Variants in MTHFD2L observed in about 807,000 individuals in gnomAD.
MTHFD2L encodes the protein bifunctional methylenetetrahydrofolate dehydrogenase/cyclohydrolase 2, mitochondrial.
A neutral mutation model predicts 34.9 loss-of-function variants in MTHFD2L; 29 were observed. That is an observed-to-expected ratio of 0.83 (90% CI 0.62 to 1.13). MTHFD2L has a LOEUF of 1.13. Ranked by LOEUF, MTHFD2L falls within the 50% of genes most tolerant of loss-of-function variation. MTHFD2L has a pLI of 0.00. For missense variants in MTHFD2L, 481 were observed against 446.5 expected, an observed-to-expected ratio of 1.08 and a Z score of -0.70; for synonymous variants, 167 against 155.7, an observed-to-expected ratio of 1.07 and a Z score of -0.54.
At chr4:74,201,507 G>A (rs1044031355) in intron 5 of MTHFD2L, 137 bp downstream of exon 5, 2 of 486,460 alleles carry the variant, frequency 4.1e-6, no homozygotes, top group South Asian at 5.6e-5. Flanking sequence ...TCCTCATTTA[G>A]TGATGTGAGA....
chr4:74,257,955 G>T lies in MTHFD2L; in HGVS notation c.806-23470G>T, dbSNP rs376331770. Among the ~76,000 whole-genome samples the T allele has an allele frequency of 2.2e-4, 33 of 151,982 alleles. 1 individual carries two copies. The East Asian group carries it at 2.3e-3, about 11-fold the overall frequency. ...TTGACTAGACATTTCTCTAAAAAAG[G>T]CATACAAATGGCCATTGGGTATATG... On this transcript the variant is annotated intron_variant, in intron 6 of 7. Coordinates refer to ENST00000325278, the MANE Select transcript of MTHFD2L (RefSeq NM_001144978.3).
rs144333388 is a variant in MTHFD2L, at chr4:74,162,892, A to T, written c.143+4611A>T. Among the ~76,000 whole-genome samples, 441 of 152,304 alleles carry T rather than the reference A, an allele frequency of 2.9e-3. 1 individual carries two copies. Among genetic ancestry groups the T allele is most frequent in the African/African-American group, 9.8e-3 (408 of 41,572 alleles). On this transcript the variant is annotated intron_variant, in intron 1 of 7. Coordinates refer to ENST00000325278, the MANE Select transcript of MTHFD2L (RefSeq NM_001144978.3). ...TCTTACTTTTTCTTCTTTTTGAAAC[A>T]TTTATTAATATTAAATCTCATACAA...
At chr4:74,227,756 G>A (rs1261227197) in intron 6 of MTHFD2L, among the ~76,000 whole-genome samples, 1 of 152,118 alleles carries the variant, frequency 6.6e-6, no homozygotes, top group Non-Finnish European at 1.5e-5. Flanking sequence ...AACATGGTCT[G>A]ACTTAGGTTT....
chr4:74,115,577 A>C (rs114426316), intron 2 of MTHFD2L, among the ~76,000 whole-genome samples: 20 of 152,354 alleles, frequency 1.3e-4, no homozygotes, highest in African/African-American at 4.8e-4. Flanking sequence ...GTCAGTATGA[A>C]CATGCCTTCA....
At chr4:74,173,739 G>A (rs1728472239) in intron 1 of MTHFD2L, among the ~76,000 whole-genome samples, 1 of 152,012 alleles carries the variant, frequency 6.6e-6, no homozygotes, top group Admixed American at 6.6e-5. Flanking sequence ...TGCCTCTTTA[G>A]AAAAAATAGC....
chr4:74,193,120 C>T (rs1732857323), intron 3 of MTHFD2L, among the ~76,000 whole-genome samples: 1 of 152,046 alleles, frequency 6.6e-6, no homozygotes, highest in Non-Finnish European at 1.5e-5. Flanking sequence ...GTTAATTTTT[C>T]TGTGTAGTAT....
chr4:74,134,288 T>C (rs1722749474), intron 1 of MTHFD2L, among the ~76,000 whole-genome samples: 1 of 152,062 alleles, frequency 6.6e-6, no homozygotes, highest in African/African-American at 2.4e-5. Context: ...TCAGTAGAAA[T>C]CATGTAGCAA....
upstream of MTHFD2L, among the ~76,000 whole-genome samples, chr4:74,122,310 T>A (rs1349527367): frequency 6.6e-6 from 1 of 152,096 alleles, no homozygotes; most frequent in African/African-American, 2.4e-5. Context: ...CTTATAATCA[T>A]GGTAGAAGGT....
chr4:74,123,377 C>G (rs919023065), upstream of MTHFD2L: 1 of 152,202 alleles, frequency 6.6e-6, no homozygotes, highest in Non-Finnish European at 1.5e-5. Context: ...GGCTGTTGCT[C>G]TACTGCTTTC....
chr4:74,158,992 C>G lies in MTHFD2L; in HGVS notation c.143+711C>G, dbSNP rs574374462. Among the ~76,000 whole-genome samples, 57 of 152,318 alleles carry G rather than the reference C, an allele frequency of 3.7e-4. 2 individuals are homozygous for G. The South Asian group carries it at 0.011, about 29-fold the overall frequency. On this transcript the variant is annotated intron_variant, in intron 1 of 7. Transcript: ENST00000325278. ...AGAGCTTGTGAGTCCAGAAGAGCCT[C>G]TGTTTTCAGACTTTCAGGGCTTCCA...
At chr4:74,126,648 T>C (rs1299079012) in intron 1 of MTHFD2L, among the ~76,000 whole-genome samples, 1 of 152,138 alleles carries the variant, frequency 6.6e-6, no homozygotes, top group African/African-American at 2.4e-5. Context: ...GGAATGAATA[T>C]GTAAGAAGCA....
intron 1 of MTHFD2L, among the ~76,000 whole-genome samples, chr4:74,149,093 A>C (rs537540344): frequency 3.0e-4 from 46 of 151,968 alleles, no homozygotes; most frequent in African/African-American, 1.0e-3. Context: ...TCCTGCAAGG[A>C]AGACTTTGCC....
chr4:74,142,896 G>C (rs191626327), intron 1 of MTHFD2L, among the ~76,000 whole-genome samples: 71 of 152,284 alleles, frequency 4.7e-4, no homozygotes, highest in Non-Finnish European at 9.1e-4. Context: ...TCTGCCACTC[G>C]AGTAATCTTT....
chr4:74,283,918 G>T (rs552874744), intron 7 of MTHFD2L, among the ~76,000 whole-genome samples: 122 of 152,148 alleles, frequency 8.0e-4, no homozygotes, highest in Non-Finnish European at 7.9e-4. Context: ...TCCCCCAACT[G>T]AGAGGGAGGA....
At chr4:74,220,768 A>G (rs936224773) in intron 5 of MTHFD2L, among the ~76,000 whole-genome samples, 6 of 151,276 alleles carry the variant, frequency 4.0e-5, no homozygotes, top group African/African-American at 1.5e-4. Context: ...TGTATATTTT[A>G]TTTTTACTTG....
intron 6 of MTHFD2L, among the ~76,000 whole-genome samples, chr4:74,231,069 C>T (rs529806347): frequency 6.6e-6 from 1 of 152,062 alleles, no homozygotes; most frequent in Non-Finnish European, 1.5e-5. Context: ...GACGAATGAA[C>T]CTTCACAGTT....
chr4:74,253,022 G>T (rs11737662), intron 6 of MTHFD2L, among the ~76,000 whole-genome samples: 41,892 of 151,936 alleles, frequency 0.28, 6,362 homozygotes, highest in African/African-American at 0.41. Context: ...ATTACTTACT[G>T]ATTGGTGGTT....
chr4:74,134,330 C>G (rs1438344701), intron 1 of MTHFD2L, among the ~76,000 whole-genome samples: 1 of 152,166 alleles, frequency 6.6e-6, no homozygotes, highest in African/African-American at 2.4e-5. Context: ...GGAACACACC[C>G]GTGGCCGGCC....
At chr4:74,173,005 T>G (rs1199216836) in intron 1 of MTHFD2L, among the ~76,000 whole-genome samples, 1 of 152,160 alleles carries the variant, frequency 6.6e-6, no homozygotes, top group Admixed American at 6.5e-5. Flanking sequence ...CCACAAAGAA[T>G]TAAGGTTTAT....
Sources: allele counts gnomAD v4.1 joint callset (sites outside exome capture counted in the v4.1 genomes callset), GRCh38; gene constraint gnomAD v4.1.1; transcripts MANE v1.5; gene names NCBI Gene and HGNC (gene_info 2026-07-23, HGNC 2026-07-21).